Variants in IGF1R observed in about 807,000 individuals in gnomAD.
The protein encoded by IGF1R is insulin-like growth factor 1 receptor.
A neutral mutation model predicts 144.6 loss-of-function variants in IGF1R; 44 were observed. The observed-to-expected ratio is 0.30, with a 90% CI of 0.24 to 0.39. IGF1R has a LOEUF of 0.39. Among genes scored for constraint, IGF1R ranks in the 10% least tolerant of loss-of-function variants. The pLI, the probability that IGF1R is intolerant of heterozygous loss-of-function variation, is 1.00. For missense variants in IGF1R, 1,355 were observed against 1,833.7 expected (o/e 0.74, Z 4.77); for synonymous variants, 795 against 722.8 (o/e 1.10, Z -1.60).
At chr15:98,694,206 C>T (rs549492028) in intron 1 of IGF1R, among the ~76,000 whole-genome samples, 13 of 152,196 alleles carry the variant, frequency 8.5e-5, no homozygotes, top group African/African-American at 3.1e-4. Context: ...AGCAAATTAA[C>T]AGAGTTCGTG....
intron 2 of IGF1R, among the ~76,000 whole-genome samples, chr15:98,876,512 C>A (rs1003355181): frequency 1.3e-5 from 2 of 152,152 alleles, no homozygotes; most frequent in African/African-American, 4.8e-5. Context: ...ATCAAGTGCA[C>A]AGCCCCACTA....
At chr15:98,738,539 G>A (rs1003353038) in intron 2 of IGF1R, among the ~76,000 whole-genome samples, 1 of 152,140 alleles carries the variant, frequency 6.6e-6, no homozygotes, top group South Asian at 2.1e-4. Context: ...CTGCCCCAAA[G>A]CAAGATAAAA....
intron 1 of IGF1R, among the ~76,000 whole-genome samples, chr15:98,676,196 A>G (rs556210524): frequency 6.6e-6 from 1 of 152,078 alleles, no homozygotes; most frequent in Non-Finnish European, 1.5e-5. Context: ...GCTGGAGTGC[A>G]GTGGCGCCAT....
rs145552041 is a variant in IGF1R, at chr15:98,688,848, G to A, written c.95-18714G>A. Among the ~76,000 whole-genome samples, 5 of 152,172 alleles carry A rather than the reference G, an allele frequency of 3.3e-5. No homozygotes were observed. The East Asian group carries it at 9.7e-4, about 29-fold the overall frequency. ...TTTATCAGACATCCTGAGAGATTCA[G>A]GACCTAAAAAATAAACCTTGATTAA... On this transcript the variant is annotated intron_variant, in intron 1 of 20. Coordinates refer to ENST00000650285, the MANE Select transcript of IGF1R (RefSeq NM_000875.5).
chr15:98,830,769 A>G (rs954433653), intron 2 of IGF1R, among the ~76,000 whole-genome samples: 1 of 151,992 alleles, frequency 6.6e-6, no homozygotes, highest in African/African-American at 2.4e-5. Flanking sequence ...ACACCCAGCT[A>G]ATTTTTGTAT....
chr15:98,671,607 A>G (rs938298239), intron 1 of IGF1R, among the ~76,000 whole-genome samples: 1 of 152,178 alleles, frequency 6.6e-6, no homozygotes, highest in Non-Finnish European at 1.5e-5. Flanking sequence ...AAATAATGCA[A>G]AATGCCTAAG....
intron 2 of IGF1R, among the ~76,000 whole-genome samples, chr15:98,792,315 A>G (rs1304549139): frequency 6.6e-6 from 1 of 152,240 alleles, no homozygotes; most frequent in Non-Finnish European, 1.5e-5. Flanking sequence ...ACCCAAATAC[A>G]TAACCATTAT....
In IGF1R at chr15:98,960,993, T is replaced by C; in HGVS notation, c.*3551T>C. 1 of 233,806 alleles carries C rather than the reference T, an allele frequency of 4.3e-6. No individual in the cohort carries two copies. 14.5% of individuals were successfully genotyped at this position (233,806 alleles called of 1,614,324 possible). On this transcript the variant is annotated 3_prime_UTR_variant, in exon 21 of 21. Coordinates refer to ENST00000650285, the MANE Select transcript of IGF1R (RefSeq NM_000875.5). Reference sequence around the variant, plus strand: ...GCTCCCCTCTTCCAGCAGCTGCTCTTACAGGCACTGATGATTTCGCTGGGA... The same window carrying C: ...GCTCCCCTCTTCCAGCAGCTGCTCTCACAGGCACTGATGATTTCGCTGGGA...
Position 98,911,294 on chromosome 15 carries a change from C to T in IGF1R, c.1463-21C>T, listed in dbSNP as rs144795260. ...GAGACACATGAATCTCTGTCACTCA[C>T]GGATGTACTCTTTGCCCCAGGTGAA... On this transcript the variant is annotated intron_variant, in intron 6 of 20. Transcript: ENST00000650285. The T allele has an allele frequency of 1.0e-3, 1,653 of 1,613,938 alleles. 6 individuals are homozygous for T. Among genetic ancestry groups the T allele is most frequent in the Non-Finnish European group, 1.2e-3 (1,362 of 1,179,852 alleles).
At chr15:98,734,827 TA>T (rs2054575243) in intron 2 of IGF1R, 1 of 152,234 alleles carries the variant, frequency 6.6e-6, no homozygotes, top group South Asian at 2.1e-4. Context: ...TTTGCTTTTT[TA>T]AAAGTTTTTA....
Position 98,711,590 on chromosome 15 carries a change from G to T in IGF1R, c.640+3483G>T, listed in dbSNP as rs374809652. Among the ~76,000 whole-genome samples, 6 of 152,230 alleles carry T rather than the reference G, an allele frequency of 3.9e-5. No homozygotes were observed. In the East Asian group the frequency reaches 1.2e-3, roughly 29 times the overall value. On this transcript the variant is annotated intron_variant, in intron 2 of 20. Transcript: ENST00000650285. ...GAGCGATTGACCCTTAAAGAACTGT[G>T]TACAGTGGTTTCCTTTCAGTAAGAA...
At chr15:98,649,958 G>T (rs2052308669) in intron 1 of IGF1R, among the ~76,000 whole-genome samples, 1 of 152,202 alleles carries the variant, frequency 6.6e-6, no homozygotes, top group South Asian at 2.1e-4. Context: ...TTCCCGGCTA[G>T]GCGCGAGGAC....
chr15:98,820,254 C>G (rs775056579), intron 2 of IGF1R, among the ~76,000 whole-genome samples: 18 of 152,030 alleles, frequency 1.2e-4, no homozygotes, highest in Non-Finnish European at 2.1e-4. Flanking sequence ...TTATAAGAGT[C>G]ACATACGTAG....
intron 2 of IGF1R, among the ~76,000 whole-genome samples, chr15:98,887,507 C>G (rs1196743166): frequency 1.3e-5 from 2 of 152,116 alleles, no homozygotes; most frequent in African/African-American, 2.4e-5. Flanking sequence ...TTTAAATTGT[C>G]AGGGAAAGGG....
At chr15:98,929,807 AAG>A in intron 14 of IGF1R, 147 bp downstream of exon 14, 1 of 718,592 alleles carries the variant, frequency 1.4e-6, no homozygotes, top group Non-Finnish European at 2.5e-6. Flanking sequence ...CTTCCAGGAA[AAG>A]AGAACCTTTT....
intron 9 of IGF1R, 95 bp from the exon 10 acceptor site, chr15:98,916,577 C>G: frequency 1.8e-6 from 2 of 1,118,918 alleles, no homozygotes; most frequent in Non-Finnish European, 2.7e-6. Flanking sequence ...CAGCTATCTT[C>G]TTGATTAAAG....
chr15:98,787,184 C>G (rs1242701946), intron 2 of IGF1R, among the ~76,000 whole-genome samples: 1 of 152,162 alleles, frequency 6.6e-6, no homozygotes, highest in African/African-American at 2.4e-5. Flanking sequence ...AGTGGGACTT[C>G]AGCATTCTCT....
At chr15:98,870,988 C>T (rs1470039389) in intron 2 of IGF1R, among the ~76,000 whole-genome samples, 2 of 152,252 alleles carry the variant, frequency 1.3e-5, no homozygotes, top group Admixed American at 6.5e-5. Flanking sequence ...GACGGCTGCA[C>T]CAGCCAGTTG....
At chr15:98,733,131 G>T (rs1397899490) in intron 2 of IGF1R, among the ~76,000 whole-genome samples, 1 of 152,154 alleles carries the variant, frequency 6.6e-6, no homozygotes, top group Non-Finnish European at 1.5e-5. Context: ...CCTTGGTGGC[G>T]ATGGAACCAC....
Sources: gnomAD v4.1 joint callset for allele counts (sites outside exome capture counted in the v4.1 genomes callset) on GRCh38, gnomAD v4.1.1 for gene constraint, MANE v1.5 for transcripts, NCBI Gene and HGNC (gene_info 2026-07-23, HGNC 2026-07-21) for gene names.